Variants in B4GALT6 observed in about 807,000 individuals in gnomAD.
B4GALT6 encodes the protein UDP-Gal:beta-GlcNAc beta-1,4-galactosyltransferase 6.
A neutral mutation model predicts 46.3 loss-of-function variants in B4GALT6; 14 were observed. That is an observed-to-expected ratio of 0.30 (90% CI 0.20 to 0.47). The LOEUF is 0.47. B4GALT6 is among the 20% of genes least tolerant of loss of function. The pLI is 0.99. For missense variants in B4GALT6, 386 were observed against 480.1 expected (o/e 0.80, Z 1.83); for synonymous variants, 168 against 162.0 (o/e 1.04, Z -0.28).
the B4GALT6 span, among the ~76,000 whole-genome samples, chr18:31,695,249 T>A: frequency 2.1e-4 from 32 of 149,098 alleles, no homozygotes; most frequent in Admixed American, 1.0e-3. Context: ...CAGTTTAAAC[T>A]AATGAAATAA....
rs777579205 is a variant in B4GALT6 at position 31,631,096 on chromosome 18, T to C, written c.639A>G (p.Lys213=). The C allele has an allele frequency of 6.2e-7, 1 of 1,614,168 alleles. No homozygotes were observed. The highest frequency in any genetic ancestry group is 8.5e-7 in the Non-Finnish European group (1 of 1,180,030). Residue 213 remains lysine, a synonymous_variant, in exon 6 of 9, where the codon AAA becomes AAG. Transcript: ENST00000306851. The stretch of plus-strand genomic sequence containing the variant: ...CCCAGACACTGTCTTTCATGGCCTC[T>C]TTGAAGCCCACATTGAAAAGCATCG... ...NRAMLFNVGF[K]EAMKDSVWDC...
chr18:31,710,284 A>T, the B4GALT6 span, among the ~76,000 whole-genome samples: 1 of 152,190 alleles, frequency 6.6e-6, no homozygotes, highest in Non-Finnish European at 1.5e-5. Context: ...ATTGATATAA[A>T]TAAGAAATTC....
At chr18:31,668,351 T>C (rs1485275073) in intron 1 of B4GALT6, among the ~76,000 whole-genome samples, 1 of 152,150 alleles carries the variant, frequency 6.6e-6, no homozygotes, top group Non-Finnish European at 1.5e-5. Context: ...AAACTACCTA[T>C]TGGGTACTAT....
chr18:31,638,638 T>G lies in B4GALT6; in HGVS notation c.588+6A>C, dbSNP rs761277184. ...ACTTAGTGACCACTATGAAAAGTAT[T>G]CTCACCTGTTCAATGACATAAAACG... On this transcript the variant is annotated splice_donor_region_variant and intron_variant, in intron 5 of 8. Transcript: ENST00000306851. The G allele has an allele frequency of 6.3e-7, 1 of 1,590,352 alleles. No individual in the cohort carries two copies. The highest frequency in any genetic ancestry group is 8.6e-7 in the Non-Finnish European group (1 of 1,158,574).
the B4GALT6 span, among the ~76,000 whole-genome samples, chr18:31,710,233 A>G: frequency 1.3e-5 from 2 of 152,196 alleles, no homozygotes; most frequent in Non-Finnish European, 2.9e-5. Context: ...TAAAATAGAC[A>G]CCAAGTAAGT....
At chr18:31,657,095 T>C (rs1278556578) in intron 3 of B4GALT6, among the ~76,000 whole-genome samples, 1 of 152,124 alleles carries the variant, frequency 6.6e-6, no homozygotes, top group African/African-American at 2.4e-5. Context: ...ATTGACAAAA[T>C]CTGGAAAACC....
chr18:31,626,210 T>C, intron 8 of B4GALT6, 73 bp downstream of exon 8: 1 of 845,598 alleles, frequency 1.2e-6, no homozygotes. Context: ...TGGGGTTCAA[T>C]GCATTTTTAT....
At chr18:31,635,827 CTTT>C in intron 5 of B4GALT6, among the ~76,000 whole-genome samples, 1 of 152,054 alleles carries the variant, frequency 6.6e-6, no homozygotes, top group East Asian at 1.9e-4. Flanking sequence ...CAAAAAAAAA[CTTT>C]TTTGAGTATT....
chr18:31,722,622 G>C, the B4GALT6 span, among the ~76,000 whole-genome samples: 1 of 146,618 alleles, frequency 6.8e-6, no homozygotes, highest in Non-Finnish European at 1.6e-5. Flanking sequence ...AGCAGGCTCA[G>C]CTTAGCCTAG....
chr18:31,626,169 C>G (rs1414170435), intron 8 of B4GALT6, 114 bp downstream of exon 8: 6 of 570,308 alleles, frequency 1.1e-5, no homozygotes, highest in African/African-American at 3.8e-5. Flanking sequence ...TACTTCCCTT[C>G]CATTATGAAA....
chr18:31,647,075 T>C (rs187902132), intron 3 of B4GALT6, among the ~76,000 whole-genome samples: 155 of 152,350 alleles, frequency 1.0e-3, no homozygotes, highest in African/African-American at 3.6e-3. Context: ...CAGACTATCA[T>C]GACTCAGCTG....
At chr18:31,634,032 A>C (rs1318831584) in intron 5 of B4GALT6, among the ~76,000 whole-genome samples, 1 of 152,086 alleles carries the variant, frequency 6.6e-6, no homozygotes, top group Non-Finnish European at 1.5e-5. Context: ...CAAATATCAG[A>C]TCTGGACTCT....
chr18:31,716,448 A>C, the B4GALT6 span, among the ~76,000 whole-genome samples: 1 of 152,220 alleles, frequency 6.6e-6, no homozygotes, highest in African/African-American at 2.4e-5. Flanking sequence ...ATTTACCTCC[A>C]CCACCTAGTT....
Position 31,684,250 on chromosome 18 carries a change from G to GATAACAGCCTGC in B4GALT6, c.115+50_115+61dup, listed in dbSNP as rs2074514849. The GATAACAGCCTGC allele has an allele frequency of 7.5e-6, 12 of 1,606,006 alleles. No homozygotes were observed. In the Admixed American group the frequency reaches 2.0e-4, roughly 27 times the overall value. On this transcript the variant is annotated intron_variant, in intron 1 of 8. Transcript: ENST00000306851. ...CTTCCAAATCCCAGAAGTAACATCGGATAACAGCCTGCGCTGGCTGTGGTG... is the reference window on the plus strand; with the variant it reads ...CTTCCAAATCCCAGAAGTAACATCGGATAACAGCCTGCATAACAGCCTGCGCTGGCTGTGGTG...
intron 4 of B4GALT6, among the ~76,000 whole-genome samples, chr18:31,642,204 G>A (rs546881839): frequency 1.6e-4 from 24 of 152,062 alleles, no homozygotes; most frequent in Non-Finnish European, 2.5e-4. Context: ...AGAGATGGGG[G>A]TCTCATTCTA....
chr18:31,689,899 G>T (rs568421479), upstream of B4GALT6, among the ~76,000 whole-genome samples: 1 of 152,240 alleles, frequency 6.6e-6, no homozygotes, highest in East Asian at 1.9e-4. Context: ...CAACCCTAGA[G>T]AGAAAGTTCG....
chr18:31,720,566 T>A, the B4GALT6 span, among the ~76,000 whole-genome samples: 1 of 152,222 alleles, frequency 6.6e-6, no homozygotes, highest in African/African-American at 2.4e-5. Flanking sequence ...CCCACCCATG[T>A]GGAGTAGAGG....
At chr18:31,665,647 C>T (rs1031893918) in intron 2 of B4GALT6, among the ~76,000 whole-genome samples, 1 of 152,084 alleles carries the variant, frequency 6.6e-6, no homozygotes, top group Non-Finnish European at 1.5e-5. Flanking sequence ...GAGACTGAGG[C>T]GTGAGAATGG....
chr18:31,655,181 C>T (rs1342835483), intron 3 of B4GALT6, among the ~76,000 whole-genome samples: 1 of 152,352 alleles, frequency 6.6e-6, no homozygotes, highest in Non-Finnish European at 1.5e-5. Flanking sequence ...TCGGGCAGCT[C>T]GTGCAAGGCT....
Sources: gnomAD v4.1 joint callset for allele counts (sites outside exome capture counted in the v4.1 genomes callset) on GRCh38, gnomAD v4.1.1 for gene constraint, MANE v1.5 for transcripts, NCBI Gene and HGNC (gene_info 2026-07-23, HGNC 2026-07-21) for gene names.